Variants in PTPRD observed in about 807,000 individuals in gnomAD.
PTPRD encodes protein tyrosine phosphatase receptor type D, also known as receptor-type tyrosine-protein phosphatase delta.
In PTPRD, 34 loss-of-function variants were observed where a neutral mutation model predicts 214.5. The ratio of observed to expected loss-of-function variants is 0.16; its 90% confidence interval spans 0.12 to 0.21. The LOEUF is 0.21. Among genes scored for constraint, PTPRD ranks in the 10% least tolerant of loss-of-function variants. The probability of loss-of-function intolerance (pLI) is 1.00; values close to 1 mark genes in which losing one functional copy is unlikely to be tolerated. For synonymous variants in PTPRD, 1,128 were observed against 845.7 expected (o/e 1.33, Z -5.79); for missense variants, 2,545 against 2,398.7 (o/e 1.06, Z -1.27).
In PTPRD at chr9:10,093,175, G is replaced by C. The variant is rs2098449753; in HGVS notation, c.-544-59385C>G. On this transcript the variant is annotated intron_variant, in intron 3 of 45. Coordinates refer to ENST00000381196, the MANE Select transcript of PTPRD (RefSeq NM_002839.4). ...AGAGTAAACAGAAAACCTACAAAAT[G>C]AGAGAAAATATAAGCAAACTATGCA... 2.0e-5 allele frequency among the ~76,000 whole-genome samples: 3 copies of C among 151,458 alleles called. No individual in the cohort carries two copies. In the South Asian group the frequency reaches 6.2e-4, roughly 31 times the overall value.
chr9:9,576,706 G>A (rs1457164379), intron 7 of PTPRD, among the ~76,000 whole-genome samples: 1 of 151,990 alleles, frequency 6.6e-6, no homozygotes, highest in African/African-American at 2.4e-5. Flanking sequence ...TAAACTTCTT[G>A]GATACACAAA....
At chr9:9,018,083 A>G (rs2099543923) in intron 11 of PTPRD, among the ~76,000 whole-genome samples, 1 of 151,412 alleles carries the variant, frequency 6.6e-6, no homozygotes, top group Non-Finnish European at 1.5e-5. Flanking sequence ...TATTATTTTC[A>G]GTTCTTCCCT....
intron 9 of PTPRD, among the ~76,000 whole-genome samples, chr9:9,379,291 A>C (rs2061556767): frequency 6.6e-6 from 1 of 150,520 alleles, no homozygotes; most frequent in African/African-American, 2.4e-5. Flanking sequence ...TGTTGAAAGG[A>C]TTATCTTTAC....
intron 8 of PTPRD, among the ~76,000 whole-genome samples, chr9:9,531,233 T>C (rs1313980658): frequency 1.3e-5 from 2 of 152,092 alleles, no homozygotes; most frequent in African/African-American, 4.8e-5. Context: ...TACTCAGCAC[T>C]AAAAAGGACT....
chr9:10,089,158 GA>G (rs1422046463), intron 3 of PTPRD, among the ~76,000 whole-genome samples: 1 of 150,948 alleles, frequency 6.6e-6, no homozygotes, highest in East Asian at 2.0e-4. Context: ...AGTGAGCTAT[GA>G]TAGTGCCAAG....
chr9:8,432,793 C>A (rs930416973), intron 35 of PTPRD, among the ~76,000 whole-genome samples: 1 of 152,156 alleles, frequency 6.6e-6, no homozygotes, highest in Non-Finnish European at 1.5e-5. Flanking sequence ...GGTTAAGGCA[C>A]AGTAGAGTCA....
intron 23 of PTPRD, among the ~76,000 whole-genome samples, chr9:8,503,315 A>G (rs546067387): frequency 6.6e-6 from 1 of 152,276 alleles, no homozygotes; most frequent in African/African-American, 2.4e-5. Context: ...CATCTTCTTG[A>G]CAAAATTCAA....
chr9:8,485,695 C>A, intron 28 of PTPRD, 67 bp downstream of exon 28: 2 of 1,382,092 alleles, frequency 1.4e-6, no homozygotes, highest in Non-Finnish European at 2.0e-6. Context: ...ATTATAGCTT[C>A]AAAATACTGA....
intron 11 of PTPRD, among the ~76,000 whole-genome samples, chr9:8,819,455 G>A (rs575649721): frequency 2.6e-5 from 4 of 152,104 alleles, no homozygotes; most frequent in African/African-American, 7.2e-5. Context: ...CTGAGGTCAG[G>A]ATTCAAGATC....
chr9:8,410,813 T>C (rs10977060), intron 35 of PTPRD, among the ~76,000 whole-genome samples: 58,573 of 151,946 alleles, frequency 0.39, 12,167 homozygotes, highest in Non-Finnish European at 0.47. Context: ...CAAATACGTA[T>C]AGAAAATTAC....
intron 7 of PTPRD, among the ~76,000 whole-genome samples, chr9:9,604,288 T>C (rs1270839701): frequency 1.3e-5 from 2 of 152,128 alleles, no homozygotes; most frequent in African/African-American, 4.8e-5. Flanking sequence ...TTCATTAAAA[T>C]ATGACAGGCA....
intron 9 of PTPRD, among the ~76,000 whole-genome samples, chr9:9,240,079 A>T (rs2099969616): frequency 6.6e-6 from 1 of 152,178 alleles, no homozygotes; most frequent in African/African-American, 2.4e-5. Flanking sequence ...TTCAAGCACA[A>T]ATATTAAGAA....
chr9:10,553,142 C>G (rs1026736832), intron 2 of PTPRD, among the ~76,000 whole-genome samples: 7 of 152,144 alleles, frequency 4.6e-5, no homozygotes, highest in Non-Finnish European at 1.0e-4. Flanking sequence ...ATATTCCTGT[C>G]CATCCAGCCT....
intron 14 of PTPRD, among the ~76,000 whole-genome samples, chr9:8,618,721 G>A (rs1232434072): frequency 6.6e-6 from 1 of 151,786 alleles, no homozygotes; most frequent in Non-Finnish European, 1.5e-5. Flanking sequence ...TTTTTAGACA[G>A]AGTATTGCTC....
At chr9:9,676,696 C>T (rs7044190) in intron 7 of PTPRD, among the ~76,000 whole-genome samples, 1 of 152,028 alleles carries the variant, frequency 6.6e-6, no homozygotes, top group Admixed American at 6.6e-5. Context: ...CCTGAGGAAT[C>T]GCCACACTGA....
At chr9:9,486,512 T>G (rs1037955491) in intron 8 of PTPRD, among the ~76,000 whole-genome samples, 1 of 152,186 alleles carries the variant, frequency 6.6e-6, no homozygotes, top group Admixed American at 6.5e-5. Flanking sequence ...CTTATGCTTT[T>G]TTTTTCCTCC....
intron 9 of PTPRD, among the ~76,000 whole-genome samples, chr9:9,206,036 G>C (rs1431558241): frequency 6.6e-6 from 1 of 152,218 alleles, no homozygotes; most frequent in African/African-American, 2.4e-5. Flanking sequence ...CAAGCACAGA[G>C]AAGAAAATGA....
chr9:10,527,585 G>C (rs767202681), intron 2 of PTPRD, among the ~76,000 whole-genome samples: 1 of 152,046 alleles, frequency 6.6e-6, no homozygotes, highest in Non-Finnish European at 1.5e-5. Flanking sequence ...AAACCACAAA[G>C]AACACTAGAG....
chr9:8,388,596 T>C (rs762568438), intron 37 of PTPRD, among the ~76,000 whole-genome samples: 32 of 152,180 alleles, frequency 2.1e-4, no homozygotes, highest in Non-Finnish European at 4.1e-4. Context: ...CACCATAATA[T>C]TGGACCCATA....
Sources: allele counts gnomAD v4.1 joint callset (sites outside exome capture counted in the v4.1 genomes callset), GRCh38; gene constraint gnomAD v4.1.1; transcripts MANE v1.5; gene names NCBI Gene and HGNC (gene_info 2026-07-23, HGNC 2026-07-21).